The following SGSM1 variants were observed in gnomAD, a reference collection of about 807,000 sequenced individuals.
The protein encoded by SGSM1 is small G protein signaling modulator 1, also known as RUN and TBC1 domain containing 2.
SGSM1 carries 73 observed loss-of-function variants against 133.8 expected under a neutral mutation model. That is an observed-to-expected ratio of 0.55 (90% CI 0.45 to 0.66). SGSM1 has a LOEUF of 0.66. Among genes scored for constraint, SGSM1 ranks in the 30% least tolerant of loss-of-function variants. SGSM1 has a pLI of 0.00. For synonymous variants in SGSM1, 563 were observed against 573.0 expected (o/e 0.98, Z 0.25); for missense variants, 1,213 against 1,448.1 (o/e 0.84, Z 2.64).
intron 2 of SGSM1, among the ~76,000 whole-genome samples, chr22:24,819,380 C>T (rs952802988): frequency 2.0e-5 from 3 of 152,134 alleles, no homozygotes; most frequent in Admixed American, 6.6e-5. Context: ...TGGGACAGCA[C>T]GGGTATAGAG....
intron 2 of SGSM1, among the ~76,000 whole-genome samples, chr22:24,815,644 C>T (rs954449311): frequency 6.6e-6 from 1 of 152,140 alleles, no homozygotes; most frequent in African/African-American, 2.4e-5. Flanking sequence ...ACTCAGGAGG[C>T]TGAGGTAGGA....
At chr22:24,920,118 A>G (rs1933955549) in intron 24 of SGSM1, 125 bp downstream of exon 24, 1 of 1,018,492 alleles carries the variant, frequency 9.8e-7, no homozygotes, top group Non-Finnish European at 1.4e-6. Context: ...AGGGCTCTGC[A>G]CACTTCTTAT....
intron 2 of SGSM1, among the ~76,000 whole-genome samples, chr22:24,806,757 A>G (rs1243800715): frequency 1.3e-5 from 2 of 151,790 alleles, no homozygotes; most frequent in African/African-American, 4.8e-5. Context: ...GCACACCTGG[A>G]TGTATCCCGA....
At chr22:24,826,866 A>C (rs1290062084) in intron 2 of SGSM1, among the ~76,000 whole-genome samples, 1 of 152,076 alleles carries the variant, frequency 6.6e-6, no homozygotes, top group African/African-American at 2.4e-5. Context: ...GTATCCTCGC[A>C]CAGCAGCCCT....
intron 2 of SGSM1, among the ~76,000 whole-genome samples, chr22:24,817,322 G>C (rs537000824): frequency 1.3e-5 from 2 of 151,804 alleles, no homozygotes; most frequent in East Asian, 3.9e-4. Flanking sequence ...TGTACTTGCT[G>C]TATGGAGAGA....
At chr22:24,882,608 G>A (rs1018357295) in intron 14 of SGSM1, among the ~76,000 whole-genome samples, 2 of 152,166 alleles carry the variant, frequency 1.3e-5, no homozygotes, top group South Asian at 4.2e-4. Context: ...ATACAAGAAC[G>A]TATTCCATCT....
At position 24,887,107 on chromosome 22, in the gene SGSM1, TTGTG is replaced by T. The variant is rs60431385; in HGVS notation, c.1770+407_1770+410del. Among the ~76,000 whole-genome samples the T allele has an allele frequency of 1.5e-3, 224 of 145,312 alleles. 1 individual carries two copies. Among genetic ancestry groups the T allele is most frequent in the African/African-American group, 3.4e-3 (136 of 39,700 alleles). ...CTTTCCCAGTTTTACTTGTACTTAT[TTGTG>T]TGTGTGTGTGTGTGTGTGTGTGTGT... is the stretch of plus-strand genomic sequence containing the variant. On this transcript the variant is annotated intron_variant, in intron 16 of 24. Transcript: ENST00000400358.
intron 2 of SGSM1, among the ~76,000 whole-genome samples, chr22:24,809,056 T>C (rs1352976021): frequency 6.6e-6 from 1 of 152,158 alleles, no homozygotes; most frequent in Non-Finnish European, 1.5e-5. Flanking sequence ...ACAGAACCAG[T>C]GTGAGGGAAC....
intron 2 of SGSM1, among the ~76,000 whole-genome samples, chr22:24,840,486 G>A (rs1263164876): frequency 2.0e-5 from 3 of 152,070 alleles, no homozygotes; most frequent in Non-Finnish European, 2.9e-5. Context: ...TGGGATTACA[G>A]GCATCCACCA....
intron 2 of SGSM1, among the ~76,000 whole-genome samples, chr22:24,829,153 G>A (rs1159820749): frequency 6.6e-6 from 1 of 151,764 alleles, no homozygotes; most frequent in African/African-American, 2.4e-5. Flanking sequence ...CCGAGATCGT[G>A]CCACTGCACT....
chr22:24,910,375 T>A (rs1231227144), intron 21 of SGSM1, among the ~76,000 whole-genome samples: 4 of 152,116 alleles, frequency 2.6e-5, no homozygotes, highest in Admixed American at 2.0e-4. Flanking sequence ...AAATGGGGGC[T>A]GGGTGCAATG....
At chr22:24,905,264 T>A (rs998824034) in intron 21 of SGSM1, 77 bp downstream of exon 21, 1 of 1,388,362 alleles carries the variant, frequency 7.2e-7, no homozygotes. Flanking sequence ...AATCTCACTT[T>A]GTGACTCTGT....
rs796505229 is a variant in SGSM1, at chr22:24,907,911, C to CAAA, written c.2818+2746_2818+2748dup. On this transcript the variant is annotated intron_variant, in intron 21 of 24. Transcript: ENST00000400358. ...TAGGTGACAGAGCAAGACGCCATCT[C>CAAA]AAAAAAAAAAAAAAAAAAAAAAAAG... Among the ~76,000 whole-genome samples the CAAA allele has an allele frequency of 3.0e-3, 170 of 56,336 alleles. 2 individuals are homozygous for CAAA. Among genetic ancestry groups the CAAA allele is most frequent in the African/African-American group, 7.8e-3 (123 of 15,772 alleles). 37.0% of individuals were successfully genotyped at this position (56,336 alleles called of 152,430 possible).
At chr22:24,874,055 G>A (rs751738603) in intron 12 of SGSM1, among the ~76,000 whole-genome samples, 4 of 152,264 alleles carry the variant, frequency 2.6e-5, no homozygotes, top group Admixed American at 6.5e-5. Context: ...GACTAGATAC[G>A]TCTGTTACTG....
intron 18 of SGSM1, 149 bp from the exon 19 acceptor site, chr22:24,897,823 C>T: frequency 4.2e-6 from 3 of 711,282 alleles, no homozygotes; most frequent in Non-Finnish European, 4.7e-6. Flanking sequence ...CTTGTTTTGC[C>T]TCGTTCTTTT....
intron 13 of SGSM1, among the ~76,000 whole-genome samples, chr22:24,878,340 A>G (rs1318572517): frequency 6.6e-6 from 1 of 152,170 alleles, no homozygotes; most frequent in African/African-American, 2.4e-5. Context: ...ACACACTTGG[A>G]GTGATGGAGA....
chr22:24,899,518 CTTTTT>C (rs56027362), intron 19 of SGSM1, among the ~76,000 whole-genome samples: 1 of 133,876 alleles, frequency 7.5e-6, no homozygotes, highest in Non-Finnish European at 1.6e-5. Context: ...CTTTTCTTTT[CTTTTT>C]TTTTTTTTTT....
At chr22:24,888,744 A>C (rs1932747172) in intron 16 of SGSM1, among the ~76,000 whole-genome samples, 1 of 152,042 alleles carries the variant, frequency 6.6e-6, no homozygotes, top group Admixed American at 6.6e-5. Context: ...ATGCCACTGC[A>C]GTCCAGCATG....
intron 2 of SGSM1, among the ~76,000 whole-genome samples, chr22:24,833,887 G>A (rs757365715): frequency 5.9e-5 from 9 of 152,222 alleles, no homozygotes; most frequent in Middle Eastern, 3.2e-3. Context: ...ACTTGAGGGC[G>A]TCTGCTAGTT....
Sources: allele counts gnomAD v4.1 joint callset (sites outside exome capture counted in the v4.1 genomes callset), GRCh38; gene constraint gnomAD v4.1.1; transcripts MANE v1.5; gene names NCBI Gene and HGNC (gene_info 2026-07-23, HGNC 2026-07-21).